Variants in LCOR observed in about 807,000 individuals in gnomAD.
LCOR encodes the protein ligand-dependent corepressor.
Under a neutral mutation model 64.4 loss-of-function variants are expected in LCOR, and 14 were observed. The ratio of observed to expected loss-of-function variants is 0.22; its 90% CI spans 0.14 to 0.34. The LOEUF is 0.34. Ranked by LOEUF, LCOR falls within the 10% of genes least tolerant of loss-of-function variation. The probability of loss-of-function intolerance (pLI) is 1.00; values close to 1 mark genes in which losing one functional copy is unlikely to be tolerated. For missense variants in LCOR, 1,686 were observed against 1,765.3 expected (o/e 0.96, Z 0.80); for synonymous variants, 643 against 642.5 (o/e 1.00, Z -0.01).
intron 2 of LCOR, among the ~76,000 whole-genome samples, chr10:96,861,594 G>A (rs1845889213): frequency 6.6e-6 from 1 of 151,916 alleles, no homozygotes; most frequent in African/African-American, 2.4e-5. Context: ...CACCCAGGCT[G>A]GAGTTCAGTG....
At chr10:96,855,204 A>AGC (rs1399250154) in intron 2 of LCOR, among the ~76,000 whole-genome samples, 2 of 152,166 alleles carry the variant, frequency 1.3e-5, no homozygotes, top group African/African-American at 2.4e-5. Flanking sequence ...AGTGGGAAGC[A>AGC]GCTACCATGG....
chr10:96,883,154 C>T (rs780319024), intron 2 of LCOR, among the ~76,000 whole-genome samples: 5 of 152,178 alleles, frequency 3.3e-5, no homozygotes, highest in Non-Finnish European at 7.3e-5. Flanking sequence ...CTGCCTCAGC[C>T]TCCTGAGTAG....
At chr10:96,834,366 C>A (rs1337576565) in intron 2 of LCOR, among the ~76,000 whole-genome samples, 1 of 152,192 alleles carries the variant, frequency 6.6e-6, no homozygotes, top group Non-Finnish European at 1.5e-5. Context: ...CAATCCAAGA[C>A]CAGTGCTGCC....
At position 96,981,420 on chromosome 10, in the gene LCOR, A is replaced by G; in HGVS notation, c.960A>G (p.Leu320=). 6.2e-7 allele frequency: 1 copy of G among 1,614,210 alleles called. No individual in the cohort carries two copies. Among genetic ancestry groups the G allele is most frequent in the South Asian group, 1.1e-5 (1 of 91,086 alleles). Reference sequence around the variant, plus strand: ...AGAGTTCAGCTTTAGTAGAAAGTCTAATTACAGTAAAAATGGCAGCTGAGA... The same window carrying G: ...AGAGTTCAGCTTTAGTAGAAAGTCTGATTACAGTAAAAATGGCAGCTGAGA... The part of the protein sequence containing the change: ...HMQSSALVES[L]ITVKMAAENS... The change falls in exon 8 of 8, where the codon CTA becomes CTG. Residue 320 remains leucine (L), a synonymous_variant. Transcript: ENST00000421806.
chr10:96,938,966 A>G (rs1299495223), intron 4 of LCOR, among the ~76,000 whole-genome samples: 1 of 152,218 alleles, frequency 6.6e-6, no homozygotes. Flanking sequence ...TGCATTTTCT[A>G]CCAAAATCCC....
At chr10:96,864,323 C>G (rs971536107) in intron 2 of LCOR, among the ~76,000 whole-genome samples, 8 of 152,106 alleles carry the variant, frequency 5.3e-5, no homozygotes, top group African/African-American at 1.9e-4. Flanking sequence ...TGTTCTCTGT[C>G]AAATAAAGGT....
rs1033650920 is a variant in LCOR, at chr10:96,981,380, G to A, written c.920G>A (p.Gly307Asp). The change falls in exon 8 of 8, where the codon GGT becomes GAT. Residue 307 changes from glycine (G) to aspartate (D), a missense_variant. Transcript: ENST00000421806. ...QDTNVNICED[G>D]KDHMQSSALV... ...ACAAATGTGAACATATGTGAGGATG[G>A]TAAAGACCATATGCAGAGTTCAGCT... 3 of 1,614,024 alleles carry A rather than the reference G, an allele frequency of 1.9e-6. No individual in the cohort carries two copies. Among genetic ancestry groups the A allele is most frequent in the Non-Finnish European group, 2.5e-6 (3 of 1,180,060 alleles).
At chr10:96,889,757 A>G (rs1287540007) in intron 2 of LCOR, among the ~76,000 whole-genome samples, 1 of 152,186 alleles carries the variant, frequency 6.6e-6, no homozygotes, top group East Asian at 1.9e-4. Context: ...ATAATATTCC[A>G]TTGGATGGCT....
At position 96,989,947 on chromosome 10, in the gene LCOR, A is replaced by G. The variant is rs1053530728; in HGVS notation, c.*4813A>G. On this transcript the variant is annotated 3_prime_UTR_variant, in exon 8 of 8. Transcript: ENST00000421806. ...TGATCGTTTTAGTTGTTTTGAAACAATTATCATTTTGAATTCTTAGTATTA... is the reference window on the plus strand; with the variant it reads ...TGATCGTTTTAGTTGTTTTGAAACAGTTATCATTTTGAATTCTTAGTATTA... 1 of 151,740 alleles carries G rather than the reference A, an allele frequency of 6.6e-6. No individual in the cohort carries two copies. The highest frequency in any genetic ancestry group is 1.5e-5 in the Non-Finnish European group (1 of 67,950). 9.4% of individuals were successfully genotyped at this position (151,740 alleles called of 1,614,324 possible).
chr10:96,982,988 T>C lies in LCOR; in HGVS notation c.2528T>C (p.Leu843Pro), dbSNP rs1027698670. ...AGTTCAGATTCTTCCTCAGCTTGTC[T>C]TGAAATCAAAGTTCCTAAAAATCCT... ...NQSSDSSSAC[L>P]EIKVPKNPSA... is the part of the protein sequence containing the mutation. Residue 843 changes from leucine (L) to proline (P), a missense_variant, in exon 8 of 8, where the codon CTT becomes CCT. Leu to Pro is a moderately conservative substitution (Grantham distance 98). Around this residue, in one of 3 missense-constraint regions of LCOR, gnomAD observed 1,293 missense variants for 1,410.4 expected, o/e 0.92. Coordinates refer to ENST00000421806, the MANE Select transcript of LCOR (RefSeq NM_001346516.2). The C allele has an allele frequency of 5.0e-6, 8 of 1,613,034 alleles. No homozygotes were observed. Among genetic ancestry groups the C allele is most frequent in the Non-Finnish European group, 6.8e-6 (8 of 1,179,750 alleles).
At chr10:96,968,911 G>C in intron 7 of LCOR, among the ~76,000 whole-genome samples, 2 of 151,728 alleles carry the variant, frequency 1.3e-5, no homozygotes, top group Non-Finnish European at 2.9e-5. Flanking sequence ...CTCCAGCCTG[G>C]GTGACTAAGT....
rs568915450 is a variant in LCOR, at chr10:96,989,549, C to T, written c.*4415C>T. On this transcript the variant is annotated 3_prime_UTR_variant, in exon 8 of 8. Transcript: ENST00000421806. ...TCAAAATAATTTTATTAAAGGTAAG[C>T]CAACAAATAAAACATAGAGGCTTTT... The T allele has an allele frequency of 1.3e-5, 2 of 150,906 alleles. No homozygotes were observed. The highest frequency in any genetic ancestry group is 4.2e-4 in the South Asian group (2 of 4,778). 9.3% of individuals were successfully genotyped at this position (150,906 alleles called of 1,614,324 possible). A position where few individuals can be genotyped will look rare whatever the true frequency, so the allele number is the denominator to read the frequency against.
intron 7 of LCOR, chr10:96,958,108 G>A: frequency 8.9e-7 from 1 of 1,124,906 alleles, no homozygotes; most frequent in Non-Finnish European, 1.1e-6. Context: ...ACAATTAATT[G>A]CAGCCATAGT....
At chr10:96,877,139 G>A in intron 2 of LCOR, among the ~76,000 whole-genome samples, 1 of 152,106 alleles carries the variant, frequency 6.6e-6, no homozygotes, top group East Asian at 1.9e-4. Context: ...TGCTCTCACT[G>A]GCCTAAGATG....
chr10:96,966,218 C>CTG (rs1491218617), intron 7 of LCOR, among the ~76,000 whole-genome samples: 2 of 99,758 alleles, frequency 2.0e-5, no homozygotes, highest in Non-Finnish European at 2.0e-5. Flanking sequence ...CCCCAAAGGA[C>CTG]TCTTTTTTTT....
intron 2 of LCOR, among the ~76,000 whole-genome samples, chr10:96,873,137 CT>C (rs1484544191): frequency 6.6e-6 from 1 of 152,114 alleles, no homozygotes; most frequent in African/African-American, 2.4e-5. Flanking sequence ...ATATATGCTG[CT>C]TGTATTTTTA....
chr10:96,873,569 CACGTGTGTGTGTGT>C lies in LCOR; in HGVS notation c.-329-33695_-329-33682del, dbSNP rs770885093. Among the ~76,000 whole-genome samples the C allele has an allele frequency of 7.2e-5, 6 of 83,464 alleles. No homozygotes were observed. The East Asian group carries it at 2.3e-3, about 31-fold the overall frequency. 54.8% of individuals were successfully genotyped at this position (83,464 alleles called of 152,430 possible). On this transcript the variant is annotated intron_variant, in intron 2 of 7. Transcript: ENST00000421806. The stretch of plus-strand genomic sequence containing the variant: ...TTTTGTTTTTCGATACACACACACA[CACGTGTGTGTGTGT>C]GTGTGTGTGTGTGTGTGTGTGTGTG...
At chr10:96,932,014 TAGC>T (rs953647253) in intron 4 of LCOR, among the ~76,000 whole-genome samples, 1 of 152,202 alleles carries the variant, frequency 6.6e-6, no homozygotes, top group African/African-American at 2.4e-5. Flanking sequence ...GCTGGGGGGA[TAGC>T]AGAATTCACT....
intron 7 of LCOR, among the ~76,000 whole-genome samples, chr10:96,974,309 A>C (rs1237506562): frequency 6.6e-6 from 1 of 152,226 alleles, no homozygotes; most frequent in Non-Finnish European, 1.5e-5. Context: ...CTTTATGAGA[A>C]GTGGGAGTAC....
Sources: allele counts gnomAD v4.1 joint callset (sites outside exome capture counted in the v4.1 genomes callset), GRCh38; gene constraint gnomAD v4.1.1; regional missense constraint gnomAD v4.1.1; transcripts MANE v1.5; gene names NCBI Gene and HGNC (gene_info 2026-07-23, HGNC 2026-07-21).